Variants in MSH3 observed in about 807,000 individuals in gnomAD.
MSH3 encodes the protein mutS homolog 3.
In MSH3, 106 loss-of-function variants were observed where a neutral mutation model predicts 123.3. The observed-to-expected ratio is 0.86, with a 90% CI of 0.73 to 1.01. The LOEUF is 1.01. MSH3 is among the 50% of genes least tolerant of loss of function. The pLI, the probability that MSH3 is intolerant of heterozygous loss-of-function variation, is 0.00. For missense variants in MSH3, 1,459 were observed against 1,347.6 expected (o/e 1.08, Z -1.29); for synonymous variants, 515 against 481.4 (o/e 1.07, Z -0.91).
At chr5:80,729,325 G>A (rs1743363531) in intron 10 of MSH3, among the ~76,000 whole-genome samples, 2 of 149,672 alleles carry the variant, frequency 1.3e-5, no homozygotes, top group South Asian at 4.2e-4. Flanking sequence ...TGAGACAGGA[G>A]AATGGCGTGA....
At chr5:80,783,705 T>C (rs1744448487) in intron 17 of MSH3, among the ~76,000 whole-genome samples, 1 of 152,058 alleles carries the variant, frequency 6.6e-6, no homozygotes, top group African/African-American at 2.4e-5. Context: ...GGGCAGGACC[T>C]GAGAAGGAAG....
intron 19 of MSH3, among the ~76,000 whole-genome samples, chr5:80,805,500 T>G (rs1744870886): frequency 6.6e-6 from 1 of 152,174 alleles, no homozygotes; most frequent in Admixed American, 6.5e-5. Flanking sequence ...CGTAGAACTT[T>G]TAAATGATTA....
intron 17 of MSH3, 30 bp downstream of exon 17, chr5:80,778,866 A>G (rs764431417): frequency 7.2e-6 from 9 of 1,244,672 alleles, no homozygotes; most frequent in Middle Eastern, 1.9e-4. Context: ...ATATAATCTG[A>G]CTTTTTGCTA....
chr5:80,825,827 G>T (rs6151896), intron 20 of MSH3, among the ~76,000 whole-genome samples: 24,018 of 152,124 alleles, frequency 0.16, 1,992 homozygotes, highest in East Asian at 0.24. Flanking sequence ...GTGCCATCTG[G>T]TAAATTATTT....
At chr5:80,832,595 G>C (rs1481250997) in intron 20 of MSH3, among the ~76,000 whole-genome samples, 1 of 151,142 alleles carries the variant, frequency 6.6e-6, no homozygotes, top group African/African-American at 2.4e-5. Context: ...CTCCAGCCTC[G>C]GTGACAGAGT....
In MSH3 at chr5:80,873,967, A is replaced by G. The variant is rs186224800; in HGVS notation, c.3302+680A>G. ...TTTCCCAAATATAAAATTCTAAAACAACATAAGCTCCCCATCCACCTACTG... is the reference window on the plus strand; with the variant it reads ...TTTCCCAAATATAAAATTCTAAAACGACATAAGCTCCCCATCCACCTACTG... On this transcript the variant is annotated intron_variant, in intron 23 of 23. Transcript: ENST00000265081. Among the ~76,000 whole-genome samples, 119 of 152,282 alleles carry G rather than the reference A, an allele frequency of 7.8e-4. 2 individuals are homozygous for G. Among genetic ancestry groups the G allele is most frequent in the African/African-American group, 2.7e-3 (112 of 41,560 alleles).
chr5:80,849,711 G>T (rs764142964), intron 20 of MSH3, among the ~76,000 whole-genome samples: 14 of 152,058 alleles, frequency 9.2e-5, no homozygotes, highest in Non-Finnish European at 1.9e-4. Context: ...GGGTCTACAG[G>T]CCTGGCCCAT....
At chr5:80,820,911 G>T (rs890832924) in intron 20 of MSH3, among the ~76,000 whole-genome samples, 3 of 152,134 alleles carry the variant, frequency 2.0e-5, no homozygotes, top group African/African-American at 7.2e-5. Flanking sequence ...GAAGGTCCAG[G>T]TTAAGCTTAG....
intron 10 of MSH3, among the ~76,000 whole-genome samples, chr5:80,735,484 C>T (rs1433392556): frequency 2.6e-5 from 4 of 151,622 alleles, no homozygotes; most frequent in South Asian, 4.2e-4. Context: ...ATCAGGAGTC[C>T]GAGACCAGCC....
intron 20 of MSH3, among the ~76,000 whole-genome samples, chr5:80,833,906 T>A (rs1177714485): frequency 1.3e-5 from 2 of 152,214 alleles, no homozygotes; most frequent in African/African-American, 4.8e-5. Context: ...AAAATAAGAA[T>A]TGAATTATGA....
intron 9 of MSH3, among the ~76,000 whole-genome samples, chr5:80,725,823 C>T (rs376742894): frequency 1.9e-4 from 29 of 152,102 alleles, no homozygotes; most frequent in Non-Finnish European, 3.4e-4. Flanking sequence ...GCAGTCCAGC[C>T]GGGGCAACAA....
At chr5:80,861,807 G>T (rs1240777353) in intron 21 of MSH3, among the ~76,000 whole-genome samples, 1 of 152,034 alleles carries the variant, frequency 6.6e-6, no homozygotes, top group East Asian at 1.9e-4. Flanking sequence ...CTCCATTTCA[G>T]CTCAGGAAAG....
intron 22 of MSH3, among the ~76,000 whole-genome samples, chr5:80,865,612 G>A (rs1746085862): frequency 6.6e-6 from 1 of 152,108 alleles, no homozygotes; most frequent in African/African-American, 2.4e-5. Flanking sequence ...AACACCGTTA[G>A]CCAATAGCAA....
chr5:80,767,923 C>A lies in MSH3; in HGVS notation c.1897-10C>A. The A allele has an allele frequency of 6.3e-7, 1 of 1,581,228 alleles. No homozygotes were observed. The highest frequency in any genetic ancestry group is 1.1e-5 in the South Asian group (1 of 90,312). On this transcript the variant is annotated splice_polypyrimidine_tract_variant and intron_variant, in intron 13 of 23. Transcript: ENST00000265081. ...TTATGCTATTTCATAAAAAATATTT[C>A]TATTTTCAGTGTTCTACCCAAGAGT...
chr5:80,683,216 A>G (rs1041626687), intron 8 of MSH3, among the ~76,000 whole-genome samples: 1 of 152,176 alleles, frequency 6.6e-6, no homozygotes, highest in African/African-American at 2.4e-5. Context: ...TTTTGAGTAT[A>G]TATCTAGCAG....
At chr5:80,784,141 C>CGGA (rs1744457720) in intron 17 of MSH3, among the ~76,000 whole-genome samples, 1 of 130,566 alleles carries the variant, frequency 7.7e-6, no homozygotes, top group Admixed American at 8.8e-5. Context: ...ATCTGGGAGG[C>CGGA]GGAGGTTGCA....
At chr5:80,792,990 G>A (rs899490107) in intron 19 of MSH3, 146 bp downstream of exon 19, 4 of 622,172 alleles carry the variant, frequency 6.4e-6, no homozygotes, top group South Asian at 2.0e-5. Context: ...TATTTACCAC[G>A]AAATGTGGAA....
chr5:80,717,053 G>A (rs6151707), intron 8 of MSH3, among the ~76,000 whole-genome samples: 11 of 151,894 alleles, frequency 7.2e-5, no homozygotes, highest in East Asian at 1.9e-4. Context: ...TTTTGGGGGG[G>A]GCTGAATAGT....
chr5:80,723,991 G>C (rs993148046), intron 8 of MSH3, among the ~76,000 whole-genome samples: 1 of 152,078 alleles, frequency 6.6e-6, no homozygotes, highest in South Asian at 2.1e-4. Context: ...CCTGAGCTCA[G>C]GCAGTCCTCC....
Sources: gnomAD v4.1 joint callset for allele counts (sites outside exome capture counted in the v4.1 genomes callset) on GRCh38, gnomAD v4.1.1 for gene constraint, MANE v1.5 for transcripts, NCBI Gene and HGNC (gene_info 2026-07-23, HGNC 2026-07-21) for gene names.